Variants in OTUD7A observed in about 807,000 individuals in gnomAD.
The protein encoded by OTUD7A is OTU domain-containing protein 7A.
A neutral mutation model predicts 65.7 loss-of-function variants in OTUD7A; 12 were observed. That is an observed-to-expected ratio of 0.18 (90% CI 0.12 to 0.30). The LOEUF (loss-of-function observed/expected upper bound fraction) is 0.30. Among genes scored for constraint, OTUD7A ranks in the 10% least tolerant of loss-of-function variants. OTUD7A has a pLI of 1.00. For missense variants in OTUD7A, 1,148 were observed against 1,304.8 expected (o/e 0.88, Z 1.85); for synonymous variants, 641 against 586.3 (o/e 1.09, Z -1.35).
intron 1 of OTUD7A, among the ~76,000 whole-genome samples, chr15:31,790,155 G>C (rs1178967229): frequency 6.6e-6 from 1 of 152,206 alleles, no homozygotes; most frequent in East Asian, 1.9e-4. Context: ...AGATGTGTCA[G>C]GAACAACAGC....
At chr15:31,726,349 A>ACG (rs1555411166) in intron 1 of OTUD7A, among the ~76,000 whole-genome samples, 3 of 21,390 alleles carry the variant, frequency 1.4e-4, no homozygotes, top group East Asian at 2.1e-3. Context: ...ACACACACGC[A>ACG]CACACACACA....
intron 1 of OTUD7A, among the ~76,000 whole-genome samples, chr15:31,826,825 A>C (rs1208562352): frequency 6.6e-6 from 1 of 152,236 alleles, no homozygotes; most frequent in East Asian, 1.9e-4. Context: ...AAGGTTCCAC[A>C]GATCTCTAGG....
intron 1 of OTUD7A, among the ~76,000 whole-genome samples, chr15:31,836,115 T>C (rs1158273198): frequency 2.0e-5 from 3 of 151,720 alleles, no homozygotes; most frequent in Non-Finnish European, 2.9e-5. Flanking sequence ...ATATCCCCTG[T>C]GATAACACCA....
At chr15:31,814,520 G>A (rs1365211304) in intron 1 of OTUD7A, among the ~76,000 whole-genome samples, 3 of 151,558 alleles carry the variant, frequency 2.0e-5, no homozygotes, top group Non-Finnish European at 2.9e-5. Context: ...AAAACCTTGC[G>A]TAAGTTCTTT....
At chr15:31,530,614 C>G (rs2042073225) in intron 6 of OTUD7A, 93 bp downstream of exon 6, 1 of 1,196,162 alleles carries the variant, frequency 8.4e-7, no homozygotes, top group Non-Finnish European at 1.2e-6. Context: ...TTAGTGTATG[C>G]TTTTCCTTCA....
intron 6 of OTUD7A, 147 bp from the exon 7 acceptor site, chr15:31,527,455 C>T (rs2042030740): frequency 9.3e-7 from 1 of 1,075,484 alleles, no homozygotes; most frequent in Admixed American, 2.6e-5. Context: ...TGTTAATTCC[C>T]CTCCAGCCTT....
At chr15:31,832,025 T>C (rs149528106) in intron 1 of OTUD7A, among the ~76,000 whole-genome samples, 380 of 152,336 alleles carry the variant, frequency 2.5e-3, no homozygotes, top group South Asian at 4.8e-3. Context: ...TGTATCTTGA[T>C]ATGGACTTGG....
chr15:31,564,387 G>GTTTTTTTTTT lies in OTUD7A; in HGVS notation c.332-5210_332-5201dup, dbSNP rs398026753. On this transcript the variant is annotated intron_variant, in intron 4 of 12. Coordinates refer to ENST00000307050, the MANE Select transcript of OTUD7A (RefSeq NM_001382637.1). ...TTTTTGGAAGTAGTCTTTGAGGAAG[G>GTTTTTTTTTT]TTTTTTTTTTTTTAGCAAAAGAGAA... 2.8e-4 allele frequency among the ~76,000 whole-genome samples: 33 copies of GTTTTTTTTTT among 119,924 alleles called. 1 individual carries two copies. The highest frequency in any genetic ancestry group is 4.9e-3 in the Middle Eastern group (1 of 206). The allele number at this position is 119,924 out of a possible 152,430, so 78.7% of individuals were successfully genotyped here. A position where few individuals can be genotyped will look rare whatever the true frequency, so the allele number is the denominator to read the frequency against.
chr15:31,516,248 G>A (rs1330567556), intron 8 of OTUD7A, among the ~76,000 whole-genome samples: 7 of 152,202 alleles, frequency 4.6e-5, no homozygotes, highest in African/African-American at 1.7e-4. Context: ...CTTAAGGCAG[G>A]GCCATTTTAT....
rs889729238 is a variant in OTUD7A at position 31,479,666 on chromosome 15, G to A, written c.*3628C>T. ...ATAAGTTTGTGGACACTAAGTGGGG[G>A]GGGGGGGTGATGGGCCCATGACCCC... On this transcript the variant is annotated 3_prime_UTR_variant, in exon 13 of 13. Coordinates refer to ENST00000307050, the MANE Select transcript of OTUD7A (RefSeq NM_001382637.1). 6.8e-6 allele frequency: 1 copy of A among 147,424 alleles called. No individual in the cohort carries two copies. Among genetic ancestry groups the A allele is most frequent in the Non-Finnish European group, 1.5e-5 (1 of 66,566 alleles). The allele number at this position is 147,424 out of a possible 1,614,324, so 9.1% of individuals were successfully genotyped here.
intron 3 of OTUD7A, among the ~76,000 whole-genome samples, chr15:31,614,984 C>A (rs1258961014): frequency 6.6e-6 from 1 of 151,818 alleles, no homozygotes. Context: ...ATCGTAACTA[C>A]CAAAAGAATA....
In OTUD7A at chr15:31,625,070, C is replaced by T. The variant is rs1000909342; in HGVS notation, c.151+30026G>A. Among the ~76,000 whole-genome samples, 3 of 152,194 alleles carry T rather than the reference C, an allele frequency of 2.0e-5. No homozygotes were observed. The South Asian group carries it at 6.2e-4, about 32-fold the overall frequency. On this transcript the variant is annotated intron_variant, in intron 3 of 12. Coordinates refer to ENST00000307050, the MANE Select transcript of OTUD7A (RefSeq NM_001382637.1). ...GTCGCTTTATCTCTCCCTCATCACTCACTCTGAGGGAAGTCAACTGATGCT... is the reference window on the plus strand; with the variant it reads ...GTCGCTTTATCTCTCCCTCATCACTTACTCTGAGGGAAGTCAACTGATGCT...
At chr15:31,741,585 C>G (rs768020787) in intron 1 of OTUD7A, among the ~76,000 whole-genome samples, 1 of 151,720 alleles carries the variant, frequency 6.6e-6, no homozygotes, top group African/African-American at 2.4e-5. Context: ...AATACAATAA[C>G]CCAACAATGA....
chr15:31,869,752 A>G (rs1259740789), intron 1 of OTUD7A, among the ~76,000 whole-genome samples: 1 of 152,216 alleles, frequency 6.6e-6, no homozygotes, highest in Non-Finnish European at 1.5e-5. Context: ...AAGGGCTGCA[A>G]TAGCTTCACC....
intron 1 of OTUD7A, among the ~76,000 whole-genome samples, chr15:31,860,695 ATATATGTATG>A (rs1897713973): frequency 7.7e-6 from 1 of 130,280 alleles, no homozygotes; most frequent in Non-Finnish European, 1.6e-5. Context: ...ATATATATAT[ATATATGTATG>A]TATATATATA....
chr15:31,665,827 C>T (rs148488751), intron 1 of OTUD7A, among the ~76,000 whole-genome samples: 2 of 152,162 alleles, frequency 1.3e-5, no homozygotes, highest in Non-Finnish European at 2.9e-5. Context: ...TGAGGTATGT[C>T]CCTTGTATGC....
In OTUD7A at chr15:31,745,140, C is replaced by T. The variant is rs192173449; in HGVS notation, c.-99-88063G>A. On this transcript the variant is annotated intron_variant, in intron 1 of 12. Transcript: ENST00000307050. The stretch of plus-strand genomic sequence containing the variant: ...TTCTCCCAAAATTAATCTACAGATT[C>T]AAGACAATTCTATTTCTAAAAATCC... Among the ~76,000 whole-genome samples the T allele has an allele frequency of 2.0e-5, 3 of 152,150 alleles. No homozygotes were observed. The East Asian group carries it at 5.8e-4, about 29-fold the overall frequency.
chr15:31,635,097 G>A (rs1891297842), intron 3 of OTUD7A, among the ~76,000 whole-genome samples: 1 of 152,172 alleles, frequency 6.6e-6, no homozygotes, highest in Non-Finnish European at 1.5e-5. Context: ...TAAAGCAAGG[G>A]GTTTGAGCCC....
chr15:31,553,195 T>C (rs1315089321), intron 5 of OTUD7A, among the ~76,000 whole-genome samples: 1 of 152,096 alleles, frequency 6.6e-6, no homozygotes, highest in African/African-American at 2.4e-5. Context: ...GGCGTCAGGG[T>C]CACTATCCAC....
Sources: gnomAD v4.1 joint callset for allele counts (sites outside exome capture counted in the v4.1 genomes callset) on GRCh38, gnomAD v4.1.1 for gene constraint, MANE v1.5 for transcripts, NCBI Gene and HGNC (gene_info 2026-07-23, HGNC 2026-07-21) for gene names.